LRMDA: variants seen among roughly 807,000 people sequenced by gnomAD.
The protein encoded by LRMDA is leucine rich melanocyte differentiation associated.
A neutral mutation model predicts 29.8 loss-of-function variants in LRMDA; 18 were observed. The observed-to-expected ratio is 0.60, with a 90% CI of 0.42 to 0.90. The LOEUF is 0.90. LRMDA is among the 40% of genes least tolerant of loss of function. The pLI is 0.00. For synonymous variants in LRMDA, 125 were observed against 109.4 expected, an observed-to-expected ratio of 1.14 and a Z score of -0.89; for missense variants, 273 against 273.9, an observed-to-expected ratio of 1.00 and a Z score of 0.02.
intron 5 of LRMDA, among the ~76,000 whole-genome samples, chr10:76,218,244 A>T (rs1032164831): frequency 2.6e-5 from 4 of 152,184 alleles, no homozygotes; most frequent in Non-Finnish European, 5.9e-5. Context: ...AATGGAGTGG[A>T]AAATTGCATT....
At chr10:76,331,629 G>A (rs889562320) in intron 6 of LRMDA, among the ~76,000 whole-genome samples, 2 of 152,160 alleles carry the variant, frequency 1.3e-5, no homozygotes, top group African/African-American at 4.8e-5. Flanking sequence ...TAAGAGTATG[G>A]CCTTGGCTTG....
At chr10:75,977,961 A>T (rs965384986) in intron 2 of LRMDA, among the ~76,000 whole-genome samples, 25 of 152,198 alleles carry the variant, frequency 1.6e-4, no homozygotes, top group African/African-American at 5.3e-4. Flanking sequence ...TGTTGGGGGA[A>T]TTAAATGGAA....
intron 6 of LRMDA, among the ~76,000 whole-genome samples, chr10:76,542,569 T>C (rs1196732337): frequency 6.6e-6 from 1 of 152,188 alleles, no homozygotes; most frequent in East Asian, 1.9e-4. Context: ...CTATCTTCCC[T>C]TTAGGTATTA....
At chr10:76,026,493 G>C (rs930437470) in intron 2 of LRMDA, among the ~76,000 whole-genome samples, 1 of 152,142 alleles carries the variant, frequency 6.6e-6, no homozygotes, top group Non-Finnish European at 1.5e-5. Context: ...GACTATAATA[G>C]GGCATATTTT....
At chr10:76,296,155 T>C (rs1840409322) in intron 5 of LRMDA, among the ~76,000 whole-genome samples, 1 of 152,236 alleles carries the variant, frequency 6.6e-6, no homozygotes, top group Non-Finnish European at 1.5e-5. Flanking sequence ...AGGTCAAAAC[T>C]AACCAATTTA....
At chr10:75,434,025 G>C (rs74399994) in intron 1 of LRMDA, among the ~76,000 whole-genome samples, 1,655 of 152,240 alleles carry the variant, frequency 0.011, 7 homozygotes, top group Middle Eastern at 0.017. Context: ...TCTGCAAAAG[G>C]CTTTTCATTT....
chr10:75,966,587 C>T (rs1002695572), intron 2 of LRMDA, among the ~76,000 whole-genome samples: 1 of 152,142 alleles, frequency 6.6e-6, no homozygotes, highest in Non-Finnish European at 1.5e-5. Context: ...CTAGAAGGCC[C>T]TCCAAAAGTT....
intron 6 of LRMDA, among the ~76,000 whole-genome samples, chr10:76,419,844 G>A (rs1370210135): frequency 6.6e-6 from 1 of 151,900 alleles, no homozygotes; most frequent in Non-Finnish European, 1.5e-5. Context: ...CTATTGTTTG[G>A]AAATATTTTC....
chr10:75,578,429 C>T (rs186408472), intron 2 of LRMDA, among the ~76,000 whole-genome samples: 32 of 152,056 alleles, frequency 2.1e-4, no homozygotes, highest in Admixed American at 5.2e-4. Flanking sequence ...TACAAAGAGA[C>T]TTAGACTCCC....
intron 2 of LRMDA, among the ~76,000 whole-genome samples, chr10:75,443,259 A>T (rs956581946): frequency 5.9e-5 from 9 of 152,054 alleles, no homozygotes; most frequent in African/African-American, 2.2e-4. Context: ...AAATGGTGAG[A>T]GTGGGCATCC....
chr10:75,555,100 G>C (rs367731746), intron 2 of LRMDA, among the ~76,000 whole-genome samples: 2 of 152,124 alleles, frequency 1.3e-5, no homozygotes, highest in Admixed American at 1.3e-4. Flanking sequence ...TGATGGGGAG[G>C]AGTTTGGTGG....
intron 2 of LRMDA, among the ~76,000 whole-genome samples, chr10:75,856,291 A>G (rs1326955461): frequency 6.6e-6 from 1 of 152,120 alleles, no homozygotes; most frequent in Non-Finnish European, 1.5e-5. Flanking sequence ...GTCCGTTGTA[A>G]GTTGGATTCC....
intron 5 of LRMDA, among the ~76,000 whole-genome samples, chr10:76,145,803 T>A (rs1850305136): frequency 6.6e-6 from 1 of 152,058 alleles, no homozygotes; most frequent in Non-Finnish European, 1.5e-5. Flanking sequence ...TTTTAGATCT[T>A]TCCTGGTTTC....
At chr10:76,031,664 A>G (rs1282628186) in intron 2 of LRMDA, among the ~76,000 whole-genome samples, 1 of 152,176 alleles carries the variant, frequency 6.6e-6, no homozygotes, top group Non-Finnish European at 1.5e-5. Context: ...GGGCCTAGCC[A>G]GGGTAGTAGA....
chr10:76,450,466 A>G (rs1842394758), intron 6 of LRMDA, among the ~76,000 whole-genome samples: 1 of 152,104 alleles, frequency 6.6e-6, no homozygotes, highest in African/African-American at 2.4e-5. Context: ...AAGCCATTTT[A>G]TTTAAAGCCT....
At chr10:75,967,439 T>G (rs1846882467) in intron 2 of LRMDA, among the ~76,000 whole-genome samples, 1 of 152,154 alleles carries the variant, frequency 6.6e-6, no homozygotes, top group Non-Finnish European at 1.5e-5. Flanking sequence ...TGTAAAAACC[T>G]AAATTGTATA....
chr10:76,375,556 A>G (rs556745130), intron 6 of LRMDA, among the ~76,000 whole-genome samples: 2 of 152,304 alleles, frequency 1.3e-5, no homozygotes, highest in South Asian at 4.1e-4. Context: ...GATAACCTAT[A>G]TGACTAGTTT....
intron 6 of LRMDA, among the ~76,000 whole-genome samples, chr10:76,363,162 AAAGAAAGAAAGAAAGG>A (rs1237206311): frequency 5.2e-4 from 18 of 34,736 alleles, no homozygotes; most frequent in South Asian, 8.2e-4. Context: ...AGAAAGAAAG[AAAGAAAGAAAGAAAGG>A]AGGGAGGGAG....
At chr10:75,732,441 C>G (rs930221259) in intron 2 of LRMDA, among the ~76,000 whole-genome samples, 1 of 152,190 alleles carries the variant, frequency 6.6e-6, no homozygotes, top group Non-Finnish European at 1.5e-5. Flanking sequence ...CTAACAAATG[C>G]TAAATAAAAT....
Sources: allele counts gnomAD v4.1 joint callset (sites outside exome capture counted in the v4.1 genomes callset), GRCh38; gene constraint gnomAD v4.1.1; transcripts MANE v1.5; gene names NCBI Gene and HGNC (gene_info 2026-07-23, HGNC 2026-07-21).